The following MGAT4C variants were observed in gnomAD, a reference collection of about 807,000 sequenced individuals.
MGAT4C encodes alpha-1,3-mannosyl-glycoprotein 4-beta-N-acetylglucosaminyltransferase C.
MGAT4C carries 19 observed loss-of-function variants against 40.1 expected under a neutral mutation model. That is an observed-to-expected ratio of 0.47 (90% CI 0.33 to 0.70). The LOEUF (loss-of-function observed/expected upper bound fraction) is 0.70. MGAT4C is among the 30% of genes least tolerant of loss of function. MGAT4C has a pLI of 0.02. For missense variants in MGAT4C, 491 were observed against 563.2 expected, an observed-to-expected ratio of 0.87 and a Z score of 1.30; for synonymous variants, 181 against 187.1, an observed-to-expected ratio of 0.97 and a Z score of 0.27.
intron 3 of MGAT4C, among the ~76,000 whole-genome samples, chr12:86,357,737 A>G (rs916423733): frequency 6.6e-6 from 1 of 152,184 alleles, no homozygotes; most frequent in Non-Finnish European, 1.5e-5. Context: ...CAGTGATTGA[A>G]GATCAAATGA....
At chr12:86,620,201 A>T (rs1031946366) in intron 2 of MGAT4C, among the ~76,000 whole-genome samples, 1 of 152,142 alleles carries the variant, frequency 6.6e-6, no homozygotes, top group African/African-American at 2.4e-5. Flanking sequence ...TGGAAATCCC[A>T]CTGCTGGGTA....
At chr12:86,515,246 A>C (rs1958662358) in intron 2 of MGAT4C, among the ~76,000 whole-genome samples, 1 of 152,198 alleles carries the variant, frequency 6.6e-6, no homozygotes, top group South Asian at 2.1e-4. Flanking sequence ...AAAATAATTC[A>C]TTTCTCACTC....
chr12:86,706,900 A>G (rs1057002882), intron 2 of MGAT4C, among the ~76,000 whole-genome samples: 7 of 152,162 alleles, frequency 4.6e-5, no homozygotes, highest in Admixed American at 1.3e-4. Flanking sequence ...GGTCTTTCCC[A>G]TGCTGTTCTC....
At chr12:86,484,202 G>A (rs777951150) in intron 2 of MGAT4C, among the ~76,000 whole-genome samples, 3 of 152,084 alleles carry the variant, frequency 2.0e-5, no homozygotes, top group Non-Finnish European at 2.9e-5. Flanking sequence ...CTGCAGAGCC[G>A]AGGAGCTTCT....
chr12:86,301,231 A>C (rs1953802080), intron 4 of MGAT4C, among the ~76,000 whole-genome samples: 1 of 152,142 alleles, frequency 6.6e-6, no homozygotes, highest in South Asian at 2.1e-4. Flanking sequence ...TTGTAACTGA[A>C]AGAGTCTTGT....
chr12:86,085,073 A>C (rs1871507599), intron 1 of MGAT4C, among the ~76,000 whole-genome samples: 1 of 152,054 alleles, frequency 6.6e-6, no homozygotes. Flanking sequence ...GCACTCTCAC[A>C]ATTTCTATTT....
intron 1 of MGAT4C, among the ~76,000 whole-genome samples, chr12:86,141,893 C>T (rs1882887678): frequency 6.6e-6 from 1 of 152,064 alleles, no homozygotes; most frequent in Admixed American, 6.6e-5. Context: ...AGAAGAGACC[C>T]GACAAAAGGA....
chr12:86,802,006 T>C (rs1952238657), intron 1 of MGAT4C, among the ~76,000 whole-genome samples: 1 of 151,930 alleles, frequency 6.6e-6, no homozygotes, highest in Non-Finnish European at 1.5e-5. Flanking sequence ...TTTCTTTGCA[T>C]TCCTAAATGC....
intron 1 of MGAT4C, among the ~76,000 whole-genome samples, chr12:86,830,466 A>T (rs139267422): frequency 2.1e-3 from 314 of 151,902 alleles, no homozygotes; most frequent in African/African-American, 7.3e-3. Context: ...ACATATGTGA[A>T]GATTTTTCCT....
chr12:86,569,735 G>A (rs1288398958), intron 2 of MGAT4C, among the ~76,000 whole-genome samples: 1 of 152,052 alleles, frequency 6.6e-6, no homozygotes, highest in Non-Finnish European at 1.5e-5. Flanking sequence ...GATATGTGAA[G>A]CTCTATTTTT....
intron 2 of MGAT4C, among the ~76,000 whole-genome samples, chr12:86,719,842 A>G: frequency 6.6e-6 from 1 of 152,188 alleles, no homozygotes; most frequent in South Asian, 2.1e-4. Context: ...ACACACTCAC[A>G]GATCTCAAGG....
rs181229110 is a variant in MGAT4C, at chr12:86,243,220, A to C, written c.-57+13019T>G. On this transcript the variant is annotated intron_variant, in intron 1 of 4. Coordinates refer to ENST00000611864, the MANE Select transcript of MGAT4C (RefSeq NM_001351288.2). ...AATCAATTTTTCTTGGTTACTGACA[A>C]ATTTTTCTCAATCAAAATTATTCTT... Among the ~76,000 whole-genome samples, 25 of 152,246 alleles carry C rather than the reference A, an allele frequency of 1.6e-4. No homozygotes were observed. In the East Asian group the frequency reaches 4.1e-3, roughly 25 times the overall value.
chr12:86,088,020 A>C (rs1041867298), intron 1 of MGAT4C, among the ~76,000 whole-genome samples: 2 of 152,058 alleles, frequency 1.3e-5, no homozygotes, highest in Non-Finnish European at 2.9e-5. Context: ...TGGGACTGGT[A>C]CAAAAACAGA....
At position 86,226,875 on chromosome 12, in the gene MGAT4C, G is replaced by A. The variant is rs142771744; in HGVS notation, c.-57+29364C>T. 3.3e-5 allele frequency among the ~76,000 whole-genome samples: 5 copies of A among 151,858 alleles called. 1 individual carries two copies. The highest frequency in any genetic ancestry group is 1.2e-4 in the African/African-American group (5 of 41,492). On this transcript the variant is annotated intron_variant, in intron 1 of 4. Transcript: ENST00000611864. ...TGTTTCTCGAAAAAGAACTTCTTTG[G>A]ACCCTGCAACCCACTCCTACTAGTG...
At chr12:85,981,073 A>G (rs150418889) in intron 4 of MGAT4C, among the ~76,000 whole-genome samples, 578 of 152,274 alleles carry the variant, frequency 3.8e-3, no homozygotes, top group African/African-American at 0.013. Flanking sequence ...AAACAATATT[A>G]TAAGACACAT....
At chr12:86,643,710 G>A (rs1963456795) in intron 2 of MGAT4C, among the ~76,000 whole-genome samples, 1 of 151,710 alleles carries the variant, frequency 6.6e-6, no homozygotes, top group Admixed American at 6.6e-5. Flanking sequence ...ACTTCTAATG[G>A]GTATCTGGTT....
intron 1 of MGAT4C, among the ~76,000 whole-genome samples, chr12:86,118,160 C>T (rs1455692374): frequency 6.6e-6 from 1 of 152,084 alleles, no homozygotes; most frequent in Non-Finnish European, 1.5e-5. Context: ...GATCGAATGC[C>T]ATTTCCTAGT....
chr12:86,792,030 A>G (rs1952031439), intron 1 of MGAT4C, among the ~76,000 whole-genome samples: 1 of 152,220 alleles, frequency 6.6e-6, no homozygotes, highest in Admixed American at 6.5e-5. Context: ...TTTGATAACA[A>G]TTTGTACTTA....
At chr12:86,173,525 G>A (rs924690205) in intron 1 of MGAT4C, among the ~76,000 whole-genome samples, 2 of 152,016 alleles carry the variant, frequency 1.3e-5, no homozygotes, top group South Asian at 2.1e-4. Context: ...TGGTCGCAAT[G>A]AGCCACAATA....
Sources: gnomAD v4.1 joint callset for allele counts (sites outside exome capture counted in the v4.1 genomes callset) on GRCh38, gnomAD v4.1.1 for gene constraint, MANE v1.5 for transcripts, NCBI Gene and HGNC (gene_info 2026-07-23, HGNC 2026-07-21) for gene names.